SMURF1: variants seen among roughly 807,000 people sequenced by gnomAD.
SMURF1 encodes the protein SMAD specific E3 ubiquitin protein ligase 1.
SMURF1 carries 44 observed loss-of-function variants against 98.0 expected under a neutral mutation model. The observed-to-expected ratio is 0.45, with a 90% CI of 0.35 to 0.58. The LOEUF (loss-of-function observed/expected upper bound fraction) is 0.58, where lower values mean the gene tolerates loss of function less well. Among genes scored for constraint, SMURF1 ranks in the 20% least tolerant of loss-of-function variants. SMURF1 has a pLI of 0.00. For missense variants in SMURF1, 687 were observed against 938.4 expected, an observed-to-expected ratio of 0.73 and a Z score of 3.50; for synonymous variants, 396 against 374.9, an observed-to-expected ratio of 1.06 and a Z score of -0.65.
chr7:99,073,008 G>C (rs894759113), intron 1 of SMURF1, among the ~76,000 whole-genome samples: 1 of 152,150 alleles, frequency 6.6e-6, no homozygotes, highest in Non-Finnish European at 1.5e-5. Context: ...AGTTAGTGAC[G>C]GAGATAAGAA....
chr7:99,079,100 C>G (rs912890914), intron 1 of SMURF1, among the ~76,000 whole-genome samples: 8 of 152,234 alleles, frequency 5.3e-5, no homozygotes, highest in African/African-American at 1.9e-4. Flanking sequence ...GGGACCAACC[C>G]TTGGGGGATG....
rs190084558 is a variant in SMURF1 at position 99,118,482 on chromosome 7, A to G, written c.55+25244T>C. On this transcript the variant is annotated intron_variant, in intron 1 of 17. Transcript: ENST00000361368. ...CAAGAAAAAGGAATGAAGTATTGAT[A>G]CAAGTTACGACAGGATTGAACCTTG... Among the ~76,000 whole-genome samples the G allele has an allele frequency of 3.0e-3, 461 of 152,386 alleles. 2 individuals carry two copies. The highest frequency in any genetic ancestry group is 0.011 in the African/African-American group (443 of 41,600).
intron 14 of SMURF1, among the ~76,000 whole-genome samples, chr7:99,037,508 G>A (rs1393298831): frequency 1.3e-5 from 2 of 152,188 alleles, no homozygotes; most frequent in African/African-American, 4.8e-5. Flanking sequence ...CAAAGTGTTG[G>A]GATTACAGGC....
In SMURF1 at chr7:99,043,568, C is replaced by T. The variant is rs963416122; in HGVS notation, c.1257-1336G>A. On this transcript the variant is annotated intron_variant, in intron 11 of 17. Coordinates refer to ENST00000361368, the MANE Select transcript of SMURF1 (RefSeq NM_181349.3). ...AGAAGGAATGTAACTCCTACCAGAC[C>T]AAACCAGGGAGTCCGACAGCTGAGT... 2.6e-5 allele frequency among the ~76,000 whole-genome samples: 4 copies of T among 152,306 alleles called. No individual in the cohort carries two copies. In the South Asian group the frequency reaches 6.2e-4, roughly 24 times the overall value.
chr7:99,135,929 CA>C (rs1797982231), intron 1 of SMURF1, among the ~76,000 whole-genome samples: 1 of 152,204 alleles, frequency 6.6e-6, no homozygotes, highest in South Asian at 2.1e-4. Context: ...TTTGATCTGC[CA>C]CTCTTCTAGA....
chr7:99,030,408 G>T lies in SMURF1; in HGVS notation c.*176C>A, dbSNP rs1473667162. 5 of 603,248 alleles carry T rather than the reference G, an allele frequency of 8.3e-6. No homozygotes were observed. The highest frequency in any genetic ancestry group is 1.5e-5 in the Non-Finnish European group (5 of 338,696). The allele number at this position is 603,248 out of a possible 1,614,324, so 37.4% of individuals were successfully genotyped here. A position where few individuals can be genotyped will look rare whatever the true frequency, so the allele number is the denominator to read the frequency against. ...TGGTAAAGGAGGGATATATGGGTGG[G>T]AGCCACCAACAAAAGTCCCCCATCC... On this transcript the variant is annotated 3_prime_UTR_variant, in exon 18 of 18. Coordinates refer to ENST00000361368, the MANE Select transcript of SMURF1 (RefSeq NM_181349.3).
chr7:99,122,765 TTTTTA>T (rs1797667556), intron 1 of SMURF1, among the ~76,000 whole-genome samples: 2 of 143,540 alleles, frequency 1.4e-5, no homozygotes, highest in Non-Finnish European at 3.1e-5. Context: ...TTTTTTTTTT[TTTTTA>T]CATAATTAAA....
chr7:99,094,942 C>T (rs1584172696), intron 1 of SMURF1, among the ~76,000 whole-genome samples: 1 of 152,338 alleles, frequency 6.6e-6, no homozygotes, highest in East Asian at 1.9e-4. Flanking sequence ...GCACTGGCTC[C>T]ATCAATGGCC....
At chr7:99,120,571 G>A (rs955154401) in intron 1 of SMURF1, 1 of 151,156 alleles carries the variant, frequency 6.6e-6, no homozygotes, top group Non-Finnish European at 1.5e-5. Flanking sequence ...TCCCAAAGAA[G>A]CCGAGAGTGA....
intron 1 of SMURF1, among the ~76,000 whole-genome samples, chr7:99,073,909 G>A (rs1277960406): frequency 1.3e-5 from 2 of 152,084 alleles, no homozygotes; most frequent in African/African-American, 4.8e-5. Flanking sequence ...TTTATTGATT[G>A]TACTGTTTGA....
At chr7:99,050,660 G>T (rs540537183) in intron 8 of SMURF1, 3 of 364,614 alleles carry the variant, frequency 8.2e-6, no homozygotes, top group Admixed American at 8.0e-5. Context: ...CTAACAGGGG[G>T]TACAAAAGAG....
chr7:99,094,989 C>T (rs1796914957), intron 1 of SMURF1, among the ~76,000 whole-genome samples: 1 of 152,216 alleles, frequency 6.6e-6, no homozygotes, highest in African/African-American at 2.4e-5. Flanking sequence ...AGTTCCACTT[C>T]TGTGTGCACT....
In SMURF1 at chr7:99,047,861, C is replaced by A; in HGVS notation, c.975G>T (p.Glu325Asp). The A allele has an allele frequency of 6.2e-7, 1 of 1,613,966 alleles. No individual in the cohort carries two copies. Among genetic ancestry groups the A allele is most frequent in the Non-Finnish European group, 8.5e-7 (1 of 1,180,034 alleles). The part of the protein sequence containing the change: ...HIMNHQCQLK[E>D]PSQPLPLPSE... The stretch of plus-strand genomic sequence containing the variant: ...TGGGCAGTGGCAGCGGCTGGCTGGG[C>A]TCCTTGAGTTGGCACTGGTGACTTG... Residue 325 changes from glutamate to aspartate, a missense_variant, in exon 10 of 18, where the codon GAG becomes GAT. Physicochemically the swap from Glu to Asp is conservative, Grantham distance 45. This residue lies in a region of SMURF1 where 415 missense variants were observed against 508.4 expected (regional missense o/e 0.82). Transcript: ENST00000361368.
chr7:99,108,811 T>C (rs924651903), intron 1 of SMURF1, among the ~76,000 whole-genome samples: 5 of 152,082 alleles, frequency 3.3e-5, no homozygotes, highest in Admixed American at 3.3e-4. Context: ...AGTAACCTTC[T>C]GAGCATAACA....
intron 1 of SMURF1, among the ~76,000 whole-genome samples, chr7:99,064,972 G>T (rs1796151636): frequency 6.6e-6 from 1 of 152,108 alleles, no homozygotes; most frequent in Non-Finnish European, 1.5e-5. Context: ...ATCATTTTGA[G>T]CAAGTTTTTA....
rs776794989 is a variant in SMURF1 at position 99,033,137 on chromosome 7, T to A, written c.2012-16A>T. On this transcript the variant is annotated splice_polypyrimidine_tract_variant and intron_variant, in intron 16 of 17. Coordinates refer to ENST00000361368, the MANE Select transcript of SMURF1 (RefSeq NM_181349.3). ...CCTGTAGAACCTTACAAGACAACATTCTAGTTAATGTACTTCAGAGTTACA... is the reference window on the plus strand; with the variant it reads ...CCTGTAGAACCTTACAAGACAACATACTAGTTAATGTACTTCAGAGTTACA... 1.3e-6 allele frequency: 2 copies of A among 1,561,562 alleles called. No homozygotes were observed. The highest frequency in any genetic ancestry group is 1.7e-6 in the Non-Finnish European group (2 of 1,152,434).
At chr7:99,038,672 C>T in intron 13 of SMURF1, 147 bp from the exon 14 acceptor site, 8 of 825,258 alleles carry the variant, frequency 9.7e-6, no homozygotes, top group South Asian at 7.3e-5. Context: ...GGGGGTGGCA[C>T]AGCAACAGGT....
At chr7:99,125,281 C>A (rs989913198) in intron 1 of SMURF1, among the ~76,000 whole-genome samples, 1 of 152,076 alleles carries the variant, frequency 6.6e-6, no homozygotes, top group Admixed American at 6.6e-5. Context: ...ATGGGAGGTT[C>A]TCACTATGTT....
chr7:99,085,547 A>G (rs1040847725), intron 1 of SMURF1, among the ~76,000 whole-genome samples: 12 of 152,216 alleles, frequency 7.9e-5, no homozygotes, highest in African/African-American at 2.9e-4. Context: ...CCCATTATCA[A>G]TATCTTATAC....
Sources: allele counts gnomAD v4.1 joint callset (sites outside exome capture counted in the v4.1 genomes callset), GRCh38; gene constraint gnomAD v4.1.1; regional missense constraint gnomAD v4.1.1; transcripts MANE v1.5; gene names NCBI Gene and HGNC (gene_info 2026-07-23, HGNC 2026-07-21).